PDZD2: variants seen among roughly 807,000 people sequenced by gnomAD.
PDZD2 encodes PDZ domain-containing protein 2.
In PDZD2, 90 loss-of-function variants were observed where a neutral mutation model predicts 220.7. The ratio of observed to expected loss-of-function variants is 0.41; its 90% CI spans 0.34 to 0.49. The LOEUF (loss-of-function observed/expected upper bound fraction) is 0.49, where lower values mean the gene tolerates loss of function less well. Ranked by LOEUF, PDZD2 falls within the 20% of genes least tolerant of loss-of-function variation. The pLI is 0.28. For missense variants in PDZD2, 3,174 were observed against 3,608.5 expected, an observed-to-expected ratio of 0.88 and a Z score of 3.08; for synonymous variants, 1,375 against 1,450.5, an observed-to-expected ratio of 0.95 and a Z score of 1.18.
At chr5:31,662,920 T>A (rs558103465) in intron 1 of PDZD2, among the ~76,000 whole-genome samples, 138 of 152,250 alleles carry the variant, frequency 9.1e-4, no homozygotes, top group African/African-American at 2.6e-3. Context: ...GTGAGCCACC[T>A]CACCTGGCCA....
intron 1 of PDZD2, among the ~76,000 whole-genome samples, chr5:31,640,750 C>A (rs1189859442): frequency 6.6e-6 from 1 of 151,792 alleles, no homozygotes; most frequent in Non-Finnish European, 1.5e-5. Context: ...CAGAACACAC[C>A]CCTGGCTGTA....
chr5:31,878,873 T>C (rs1739592498), intron 2 of PDZD2, among the ~76,000 whole-genome samples: 1 of 151,960 alleles, frequency 6.6e-6, no homozygotes, highest in African/African-American at 2.4e-5. Flanking sequence ...CCTCGGCTTA[T>C]TTTGCAATTT....
intron 2 of PDZD2, among the ~76,000 whole-genome samples, chr5:31,886,742 G>C (rs1740528450): frequency 6.6e-6 from 1 of 151,226 alleles, no homozygotes; most frequent in South Asian, 2.1e-4. Flanking sequence ...CTGTCGCTCA[G>C]GCTGGAGTGC....
At chr5:31,750,635 A>G (rs1750899809) in intron 1 of PDZD2, among the ~76,000 whole-genome samples, 1 of 152,140 alleles carries the variant, frequency 6.6e-6, no homozygotes, top group Non-Finnish European at 1.5e-5. Flanking sequence ...GGGTGCTGTG[A>G]CGGGCAGATC....
intron 6 of PDZD2, among the ~76,000 whole-genome samples, chr5:32,020,894 C>T (rs1434710066): frequency 6.6e-6 from 1 of 151,988 alleles, no homozygotes; most frequent in Non-Finnish European, 1.5e-5. Context: ...GATCTGCCCA[C>T]CTCAGCCTCC....
intron 1 of PDZD2, among the ~76,000 whole-genome samples, chr5:31,685,358 T>C (rs1487689741): frequency 6.6e-6 from 1 of 152,198 alleles, no homozygotes; most frequent in Non-Finnish European, 1.5e-5. Flanking sequence ...TTCTTCCAGT[T>C]CCTCAACAGG....
At chr5:31,891,767 AT>A (rs1176953143) in intron 2 of PDZD2, among the ~76,000 whole-genome samples, 1 of 152,192 alleles carries the variant, frequency 6.6e-6, no homozygotes, top group Non-Finnish European at 1.5e-5. Context: ...CATTTTAGCC[AT>A]TGCCAGCCTC....
intron 1 of PDZD2, among the ~76,000 whole-genome samples, chr5:31,755,769 A>C (rs1413350641): frequency 9.9e-5 from 15 of 152,176 alleles, no homozygotes; most frequent in Non-Finnish European, 1.3e-4. Context: ...ATGGAATAAA[A>C]GCTTCTAAAT....
intron 6 of PDZD2, 35 bp from the exon 7 acceptor site, chr5:32,037,196 G>C (rs759802927): frequency 7.4e-7 from 1 of 1,348,914 alleles, no homozygotes. Context: ...GCAGGGCTGG[G>C]CTCTCCCATC....
At chr5:32,058,362 TAAA>T (rs775748379) in intron 12 of PDZD2, among the ~76,000 whole-genome samples, 8 of 131,858 alleles carry the variant, frequency 6.1e-5, no homozygotes, top group Admixed American at 7.7e-5. Context: ...GGCTTGTGTT[TAAA>T]AAAAAAAAAA....
rs1742839703 is a variant in PDZD2, at chr5:32,089,297, C to G, written c.5849C>G (p.Ala1950Gly). ...HEDPDRNTTAAPRSPQCVLES... is the reference protein window; with the variant it reads ...HEDPDRNTTAGPRSPQCVLES... ...GACCCTGACAGAAACACCACAGCTG[C>G]CCCCAGGTCCCCCCAGTGTGTGCTG... Residue 1950 changes from alanine (A) to glycine (G), a missense_variant, in exon 20 of 25, where the codon GCC becomes GGC. By Grantham distance (60) the Ala-to-Gly change is moderately conservative. Around this residue, in one of 4 missense-constraint regions of PDZD2, gnomAD observed 1,861 missense variants for 2,001.0 expected, o/e 0.93. Transcript: ENST00000438447. The G allele has an allele frequency of 1.2e-6, 2 of 1,613,890 alleles. No individual in the cohort carries two copies. The highest frequency in any genetic ancestry group is 2.2e-5 in the South Asian group (2 of 91,066).
chr5:32,057,131 C>G (rs1011799739), intron 10 of PDZD2, among the ~76,000 whole-genome samples: 4 of 152,066 alleles, frequency 2.6e-5, no homozygotes, highest in Non-Finnish European at 4.4e-5. Context: ...AAAAAAAAGA[C>G]TGTTTCTGGG....
chr5:31,995,755 G>GCCTCCTCTCCTTCCCTCTC, intron 4 of PDZD2, 37 bp downstream of exon 4: 1 of 1,586,584 alleles, frequency 6.3e-7, no homozygotes, highest in South Asian at 1.1e-5. Flanking sequence ...CCATCCCTCT[G>GCCTCCTCTCCTTCCCTCTC]CCTCCTCTCC....
Position 32,098,353 on chromosome 5 carries a change from C to G in PDZD2, c.7948-11C>G. 2 of 1,611,778 alleles carry G rather than the reference C, an allele frequency of 1.2e-6. No homozygotes were observed. The highest frequency in any genetic ancestry group is 1.7e-6 in the Non-Finnish European group (2 of 1,178,780). On this transcript the variant is annotated splice_polypyrimidine_tract_variant and intron_variant, in intron 22 of 24. Transcript: ENST00000438447. This position sits in a 1 kb window ranked among gnomAD's most constrained non-coding sequence, Gnocchi z 4.1. Reference sequence around the variant, plus strand: ...TCTGGTTTTTGTTCCCTTTTCCTTTCCTCATCCCAGGTCCACAGGGTGTTT... The same window carrying G: ...TCTGGTTTTTGTTCCCTTTTCCTTTGCTCATCCCAGGTCCACAGGGTGTTT...
At chr5:31,813,649 C>A (rs1755263896) in intron 2 of PDZD2, among the ~76,000 whole-genome samples, 1 of 152,054 alleles carries the variant, frequency 6.6e-6, no homozygotes, top group Non-Finnish European at 1.5e-5. Flanking sequence ...AGTAGAAAAA[C>A]AGCCTTCCTG....
At chr5:32,076,605 T>C (rs1741327003) in intron 18 of PDZD2, among the ~76,000 whole-genome samples, 1 of 152,214 alleles carries the variant, frequency 6.6e-6, no homozygotes, top group Admixed American at 6.5e-5. Flanking sequence ...TCTGTTTTTA[T>C]TTACTACTTG....
At position 32,044,773 on chromosome 5, in the gene PDZD2, G is replaced by C. The variant is rs1412632835; in HGVS notation, c.1520-3766G>C. Among the ~76,000 whole-genome samples the C allele has an allele frequency of 2.0e-5, 3 of 152,156 alleles. No individual in the cohort carries two copies. The East Asian group carries it at 5.8e-4, about 29-fold the overall frequency. ...ACTTCACGTGATATTTACATGCTCC[G>C]CAGTTTTGGAAAGAAGAGGACAGAT... On this transcript the variant is annotated intron_variant, in intron 7 of 24. Transcript: ENST00000438447.
intron 6 of PDZD2, among the ~76,000 whole-genome samples, chr5:32,017,163 A>G (rs1339150528): frequency 1.3e-5 from 2 of 152,212 alleles, no homozygotes; most frequent in African/African-American, 4.8e-5. Context: ...TGGGCCGGGC[A>G]CAGTGGCTCA....
At chr5:31,973,692 C>T (rs1749500628) in intron 2 of PDZD2, among the ~76,000 whole-genome samples, 1 of 152,180 alleles carries the variant, frequency 6.6e-6, no homozygotes, top group Non-Finnish European at 1.5e-5. Context: ...TCTTACTCCT[C>T]TTAATATAAT....
Sources: gnomAD v4.1 joint callset for allele counts (sites outside exome capture counted in the v4.1 genomes callset) on GRCh38, gnomAD v4.1.1 for gene constraint, gnomAD v4.1.1 regional missense constraint, Gnocchi (gnomAD v3.1) non-coding constraint, MANE v1.5 for transcripts, NCBI Gene and HGNC (gene_info 2026-07-23, HGNC 2026-07-21) for gene names.